The following AUTS2 variants were observed in gnomAD, a reference collection of about 807,000 sequenced individuals.
The protein encoded by AUTS2 is autism susceptibility gene 2 protein.
A neutral mutation model predicts 112.4 loss-of-function variants in AUTS2; 17 were observed. The observed-to-expected ratio is 0.15, with a 90% CI of 0.10 to 0.23. The LOEUF (loss-of-function observed/expected upper bound fraction) is 0.23, where lower values mean the gene tolerates loss of function less well. Among genes scored for constraint, AUTS2 ranks in the 10% least tolerant of loss-of-function variants. AUTS2 has a pLI of 1.00. For missense variants in AUTS2, 1,510 were observed against 1,701.6 expected, an observed-to-expected ratio of 0.89 and a Z score of 1.98; for synonymous variants, 751 against 702.7, an observed-to-expected ratio of 1.07 and a Z score of -1.09.
chr7:70,158,945 A>G (rs1170202442), intron 4 of AUTS2, among the ~76,000 whole-genome samples: 3 of 152,186 alleles, frequency 2.0e-5, no homozygotes, highest in Admixed American at 2.0e-4. Context: ...TGTCATTATT[A>G]TTAGTGAAGG....
At chr7:69,807,983 G>C (rs1297294767) in intron 1 of AUTS2, among the ~76,000 whole-genome samples, 2 of 119,076 alleles carry the variant, frequency 1.7e-5, no homozygotes, top group Non-Finnish European at 1.6e-5. Context: ...TTGCTCTGTT[G>C]CCCAGGCTGG....
intron 1 of AUTS2, 60 bp downstream of exon 1, chr7:69,600,022 C>G (rs1014827666): frequency 6.4e-7 from 1 of 1,565,500 alleles, no homozygotes; most frequent in East Asian, 2.3e-5. Context: ...CGGCTGCGCC[C>G]GGCTCTCCTG....
chr7:70,495,399 C>T (rs1280146444), intron 5 of AUTS2, among the ~76,000 whole-genome samples: 3 of 152,004 alleles, frequency 2.0e-5, no homozygotes, highest in African/African-American at 7.3e-5. Context: ...CAAGTATTCC[C>T]CTTATCTGTC....
intron 4 of AUTS2, among the ~76,000 whole-genome samples, chr7:70,285,826 G>A (rs1216717794): frequency 6.6e-6 from 1 of 152,184 alleles, no homozygotes; most frequent in Non-Finnish European, 1.5e-5. Flanking sequence ...TAAGATGCTG[G>A]AATATGTTAA....
At chr7:70,274,955 C>G (rs1486463924) in intron 4 of AUTS2, among the ~76,000 whole-genome samples, 1 of 152,148 alleles carries the variant, frequency 6.6e-6, no homozygotes, top group Admixed American at 6.5e-5. Context: ...TTCATAGAAG[C>G]ATTATTCATA....
chr7:70,681,522 TA>T (rs1238914564), intron 5 of AUTS2, among the ~76,000 whole-genome samples: 1,613 of 140,030 alleles, frequency 0.012, 30 homozygotes, highest in East Asian at 0.076. Flanking sequence ...TATATATATA[TA>T]TATTTTTTTT....
chr7:70,165,377 A>T (rs1031554882), intron 4 of AUTS2, among the ~76,000 whole-genome samples: 29 of 152,222 alleles, frequency 1.9e-4, no homozygotes, highest in Admixed American at 3.3e-4. Flanking sequence ...AGACTGCTGA[A>T]AATCAAAGAT....
At chr7:70,454,486 G>A (rs1041494706) in intron 5 of AUTS2, among the ~76,000 whole-genome samples, 5 of 152,044 alleles carry the variant, frequency 3.3e-5, no homozygotes, top group Non-Finnish European at 5.9e-5. Flanking sequence ...GCAGTAAGCC[G>A]AGATCACGCC....
Position 70,790,138 on chromosome 7 carries a change from CAAG to C in AUTS2, c.2927_2929del (p.Lys976del), listed in dbSNP as rs1443885513. The C allele has an allele frequency of 2.5e-6, 4 of 1,608,868 alleles. No homozygotes were observed. The highest frequency in any genetic ancestry group is 4.5e-5 in the East Asian group (2 of 44,586). On this transcript the variant is annotated inframe_deletion, in exon 19 of 19. Transcript: ENST00000342771. This position sits in a 1 kb window ranked among gnomAD's most constrained non-coding sequence, Gnocchi z 7.6. ...AGGGTGAGCCGGCCTACGAGAACCCCAAGAAGAGCTCCGAGGTCAAGGTGAAGG... is the reference window on the plus strand; with the variant it reads ...AGGGTGAGCCGGCCTACGAGAACCCCAAGAGCTCCGAGGTCAAGGTGAAGG...
At chr7:69,975,722 C>T (rs778322664) in intron 2 of AUTS2, among the ~76,000 whole-genome samples, 6 of 151,310 alleles carry the variant, frequency 4.0e-5, no homozygotes, top group East Asian at 1.9e-4. Flanking sequence ...GGAGTCTGCT[C>T]GGTCCCCCAG....
intron 1 of AUTS2, among the ~76,000 whole-genome samples, chr7:69,627,537 C>T (rs967124320): frequency 1.3e-5 from 2 of 151,982 alleles, no homozygotes; most frequent in African/African-American, 2.4e-5. Flanking sequence ...TAAAAAAACT[C>T]AGACACTTTA....
intron 2 of AUTS2, among the ~76,000 whole-genome samples, chr7:70,060,432 C>T (rs1384936137): frequency 1.3e-5 from 2 of 152,162 alleles, no homozygotes; most frequent in Admixed American, 1.3e-4. Flanking sequence ...GACTCTACCC[C>T]AGAAGTCCTG....
intron 5 of AUTS2, among the ~76,000 whole-genome samples, chr7:70,554,935 T>C (rs1265677480): frequency 2.0e-5 from 3 of 152,232 alleles, no homozygotes; most frequent in Non-Finnish European, 4.4e-5. Context: ...ACATGTTAAT[T>C]GGCTTAGCTC....
In AUTS2 at chr7:70,790,717, C is replaced by T. The variant is rs974414998; in HGVS notation, c.3501C>T (p.Leu1167=). The change falls in exon 19 of 19, where the codon CTC becomes CTT. Residue 1167 remains leucine (L), a synonymous_variant. Coordinates refer to ENST00000342771, the MANE Select transcript of AUTS2 (RefSeq NM_015570.4). The surrounding 1 kb of genome is among the most constrained non-coding windows in gnomAD (Gnocchi z 7.6). ...GAGAAGACTACGAGCACACGCGGCT[C>T]CACTCCGTGCACCCCGCCTCCCTCG... is the stretch of plus-strand genomic sequence containing the variant. ...MLREDYEHTR[L]HSVHPASLDG... is the part of the protein sequence containing the mutation. 8 of 1,613,642 alleles carry T rather than the reference C, an allele frequency of 5.0e-6. No individual in the cohort carries two copies. Among genetic ancestry groups the T allele is most frequent in the Non-Finnish European group, 6.8e-6 (8 of 1,179,974 alleles).
At chr7:69,840,861 G>A (rs542871265) in intron 1 of AUTS2, among the ~76,000 whole-genome samples, 6 of 152,246 alleles carry the variant, frequency 3.9e-5, no homozygotes, top group African/African-American at 1.4e-4. Flanking sequence ...ATAAAATATA[G>A]AAGGATACAG....
At chr7:70,349,625 A>G (rs1489952233) in intron 4 of AUTS2, among the ~76,000 whole-genome samples, 1 of 151,304 alleles carries the variant, frequency 6.6e-6, no homozygotes, top group Non-Finnish European at 1.5e-5. Flanking sequence ...TAACATAATC[A>G]TCCTTTGAAG....
chr7:70,630,811 A>G (rs1039847245), intron 5 of AUTS2, among the ~76,000 whole-genome samples: 10 of 152,324 alleles, frequency 6.6e-5, no homozygotes, highest in African/African-American at 2.2e-4. Context: ...TTGCCCATTA[A>G]AGCAACCTTT....
chr7:70,570,559 T>C (rs147017603), intron 5 of AUTS2, among the ~76,000 whole-genome samples: 123 of 152,220 alleles, frequency 8.1e-4, no homozygotes, highest in African/African-American at 2.8e-3. Flanking sequence ...CTGACCAGCC[T>C]CCTCTCTGCT....
At chr7:69,889,943 C>G (rs548896262) in intron 1 of AUTS2, among the ~76,000 whole-genome samples, 2 of 152,184 alleles carry the variant, frequency 1.3e-5, no homozygotes, top group Non-Finnish European at 2.9e-5. Flanking sequence ...CGTTATTGCC[C>G]TAAGCCCTCA....
Sources: allele counts gnomAD v4.1 joint callset (sites outside exome capture counted in the v4.1 genomes callset), GRCh38; gene constraint gnomAD v4.1.1; non-coding constraint Gnocchi (gnomAD v3.1); transcripts MANE v1.5; gene names NCBI Gene and HGNC (gene_info 2026-07-23, HGNC 2026-07-21).